ENTPD1: variants seen among roughly 807,000 people sequenced by gnomAD.
ENTPD1 encodes the protein ectonucleoside triphosphate diphosphohydrolase 1.
A neutral mutation model predicts 57.0 loss-of-function variants in ENTPD1; 33 were observed. The observed-to-expected ratio is 0.58, with a 90% CI of 0.44 to 0.77. The LOEUF (loss-of-function observed/expected upper bound fraction) is 0.77. Ranked by LOEUF, ENTPD1 falls within the 30% of genes least tolerant of loss-of-function variation. ENTPD1 has a pLI of 0.00. For missense variants in ENTPD1, 501 were observed against 603.4 expected (o/e 0.83, Z 1.78); for synonymous variants, 202 against 218.8 (o/e 0.92, Z 0.68).
intron 7 of ENTPD1, among the ~76,000 whole-genome samples, chr10:95,860,075 G>A (rs2098462756): frequency 6.6e-6 from 1 of 152,188 alleles, no homozygotes; most frequent in African/African-American, 2.4e-5. Flanking sequence ...AACCAATTTC[G>A]CTACTCAGAG....
At chr10:95,714,956 C>T (rs1375910643) in intron 1 of ENTPD1, among the ~76,000 whole-genome samples, 2 of 152,192 alleles carry the variant, frequency 1.3e-5, no homozygotes, top group East Asian at 3.9e-4. Context: ...AATTGTTTTG[C>T]AAAAGGACAA....
intron 1 of ENTPD1, among the ~76,000 whole-genome samples, chr10:95,760,814 C>CTTTTTTTTTATTTTTTTTTTTT (rs2098055852): frequency 1.6e-5 from 1 of 62,956 alleles, no homozygotes; most frequent in African/African-American, 6.7e-5. Flanking sequence ...AGAGTTTATT[C>CTTTTTTTTTATTTTTTTTTTTT]TTTTTTTTTT....
intron 1 of ENTPD1, among the ~76,000 whole-genome samples, chr10:95,810,881 A>G (rs568533817): frequency 5.3e-5 from 8 of 152,320 alleles, no homozygotes; most frequent in African/African-American, 1.9e-4. Flanking sequence ...TTAGAAAAAA[A>G]CGCAGAGGAC....
chr10:95,842,486 G>T lies in ENTPD1; in HGVS notation c.405G>T (p.Arg135=), dbSNP rs2140831910. The T allele has an allele frequency of 1.2e-6, 2 of 1,614,008 alleles. No homozygotes were observed. Among genetic ancestry groups the T allele is most frequent in the Non-Finnish European group, 1.7e-6 (2 of 1,179,958 alleles). The change falls in exon 4 of 10, where the codon CGG becomes CGT. Residue 135 remains arginine (R), a synonymous_variant. Transcript: ENST00000371205. Reference sequence around the variant, plus strand: ...ACCTGGGAGCCACGGCAGGCATGCGGTTGCTCAGGTATAGCAGCATGTAGG... The same window carrying T: ...ACCTGGGAGCCACGGCAGGCATGCGTTTGCTCAGGTATAGCAGCATGTAGG... ...PVYLGATAGM[R]LLRMESEELA...
chr10:95,740,493 G>C (rs2097999217), intron 1 of ENTPD1, among the ~76,000 whole-genome samples: 1 of 152,188 alleles, frequency 6.6e-6, no homozygotes, highest in Non-Finnish European at 1.5e-5. Context: ...TTAACTTAAA[G>C]TCACCAGCTT....
chr10:95,755,275 G>A (rs1388951472), upstream of ENTPD1: 1 of 175,572 alleles, frequency 5.7e-6, no homozygotes, highest in Non-Finnish European at 1.2e-5. Context: ...CAATGTCTGA[G>A]GTATCTTTCA....
At chr10:95,807,323 G>A (rs986724440) in intron 1 of ENTPD1, among the ~76,000 whole-genome samples, 4 of 152,220 alleles carry the variant, frequency 2.6e-5, no homozygotes, top group Admixed American at 1.3e-4. Flanking sequence ...AGCCAGGCAC[G>A]GGAGAGAATC....
chr10:95,760,024 G>A (rs749529251), intron 1 of ENTPD1, among the ~76,000 whole-genome samples: 29 of 152,136 alleles, frequency 1.9e-4, no homozygotes, highest in Admixed American at 1.5e-3. Context: ...ACACAGTGGT[G>A]CACGCTTGTA....
chr10:95,835,610 T>A (rs528520070), intron 2 of ENTPD1, among the ~76,000 whole-genome samples: 20 of 152,356 alleles, frequency 1.3e-4, no homozygotes, highest in African/African-American at 4.6e-4. Context: ...TGTTATTTTC[T>A]GACTTCTTAA....
chr10:95,742,138 G>A (rs1357760894), intron 1 of ENTPD1, among the ~76,000 whole-genome samples: 1 of 152,180 alleles, frequency 6.6e-6, no homozygotes, highest in Non-Finnish European at 1.5e-5. Flanking sequence ...ACTTTCCACT[G>A]ACTCTTAGGC....
intron 8 of ENTPD1, 133 bp from the exon 9 acceptor site, chr10:95,864,591 C>G (rs1566256431): frequency 1.6e-6 from 2 of 1,236,490 alleles, no homozygotes; most frequent in East Asian, 2.4e-5. Context: ...CCAAAACCCT[C>G]TGGAAGAGGC....
At chr10:95,796,983 G>A (rs1185395626) in intron 1 of ENTPD1, among the ~76,000 whole-genome samples, 1 of 152,126 alleles carries the variant, frequency 6.6e-6, no homozygotes, top group Admixed American at 6.5e-5. Context: ...TGAGACAGGA[G>A]AATCACTTGA....
At chr10:95,833,822 G>A (rs1303387500) in intron 2 of ENTPD1, 1 of 152,844 alleles carries the variant, frequency 6.5e-6, no homozygotes, top group Non-Finnish European at 1.5e-5. Context: ...CTGGAGGGAG[G>A]AATGCTGTTC....
At chr10:95,837,091 A>G (rs941921585) in intron 2 of ENTPD1, among the ~76,000 whole-genome samples, 12 of 152,312 alleles carry the variant, frequency 7.9e-5, no homozygotes, top group African/African-American at 2.6e-4. Context: ...ACGTAGTAAA[A>G]GTTTTTGTTT....
chr10:95,752,369 A>G (rs904328965), upstream of ENTPD1, among the ~76,000 whole-genome samples: 4 of 152,144 alleles, frequency 2.6e-5, no homozygotes, highest in African/African-American at 9.7e-5. Flanking sequence ...AAAAGTTACT[A>G]TATTGCTGGG....
chr10:95,711,884 GT>G (rs2097965870), exon 1 of ENTPD1: 1 of 1,608,234 alleles, frequency 6.2e-7, no homozygotes, highest in Non-Finnish European at 8.5e-7. Flanking sequence ...CAAAGGGGAA[GT>G]TTTCCTTGGC....
At chr10:95,740,423 C>G (rs1640573234) in intron 1 of ENTPD1, among the ~76,000 whole-genome samples, 1 of 152,208 alleles carries the variant, frequency 6.6e-6, no homozygotes. Context: ...CTGCACCCGG[C>G]CCATTTAACG....
chr10:95,777,099 T>C (rs2098137015), intron 1 of ENTPD1, among the ~76,000 whole-genome samples: 1 of 152,228 alleles, frequency 6.6e-6, no homozygotes, highest in South Asian at 2.1e-4. Flanking sequence ...TGGAGGAATT[T>C]GTCATTACCA....
At chr10:95,722,199 A>G (rs1285421507) in intron 1 of ENTPD1, among the ~76,000 whole-genome samples, 1 of 151,896 alleles carries the variant, frequency 6.6e-6, no homozygotes, top group Non-Finnish European at 1.5e-5. Context: ...CTGCTTCCAC[A>G]AGAGTCTCCC....
Sources: gnomAD v4.1 joint callset for allele counts (sites outside exome capture counted in the v4.1 genomes callset) on GRCh38, gnomAD v4.1.1 for gene constraint, MANE v1.5 for transcripts, NCBI Gene and HGNC (gene_info 2026-07-23, HGNC 2026-07-21) for gene names.